The following EYS variants were observed in gnomAD, a reference collection of about 807,000 sequenced individuals.
The protein encoded by EYS is EGF-like photoreceptor maintenance factor.
EYS carries 250 observed loss-of-function variants against 282.1 expected under a neutral mutation model. That is an observed-to-expected ratio of 0.89 (90% CI 0.80 to 0.98). The LOEUF is 0.98. Among genes scored for constraint, EYS ranks in the 50% least tolerant of loss-of-function variants. EYS has a pLI of 0.00. For synonymous variants in EYS, 1,355 were observed against 1,282.9 expected (o/e 1.06, Z -1.20); for missense variants, 4,016 against 3,709.0 (o/e 1.08, Z -2.15).
intron 26 of EYS, among the ~76,000 whole-genome samples, chr6:64,531,154 T>C (rs568949223): frequency 1.4e-4 from 22 of 152,306 alleles, no homozygotes; most frequent in Middle Eastern, 3.4e-3. Context: ...TTAAATATAG[T>C]GTACCACTTT....
chr6:64,403,599 TG>T, intron 28 of EYS, among the ~76,000 whole-genome samples: 1 of 152,178 alleles, frequency 6.6e-6, no homozygotes, highest in East Asian at 1.9e-4. Flanking sequence ...CCTTGTGATC[TG>T]CCTGCCTCAG....
At chr6:64,116,624 G>A (rs976079628) in intron 31 of EYS, among the ~76,000 whole-genome samples, 1 of 152,062 alleles carries the variant, frequency 6.6e-6, no homozygotes, top group Non-Finnish European at 1.5e-5. Context: ...TCAAATATAT[G>A]CTCCCTACTC....
intron 11 of EYS, among the ~76,000 whole-genome samples, chr6:65,333,897 G>C (rs1207150950): frequency 6.7e-6 from 1 of 149,934 alleles, no homozygotes; most frequent in Admixed American, 6.7e-5. Flanking sequence ...TTTTCTTCTT[G>C]ATGCAGTTTG....
rs980815015 is a variant in EYS, at chr6:65,063,302, T to A, written c.2024-5575A>T. 4.7e-4 allele frequency among the ~76,000 whole-genome samples: 72 copies of A among 152,138 alleles called. 1 individual carries two copies. The highest frequency in any genetic ancestry group is 1.7e-3 in the African/African-American group (70 of 41,558). The stretch of plus-strand genomic sequence containing the variant: ...TGAACTTGTTTGATCACCATCAAAT[T>A]CCTTTTTACATATATTTTGGTTTGT... On this transcript the variant is annotated intron_variant, in intron 12 of 42. Transcript: ENST00000503581.
intron 19 of EYS, among the ~76,000 whole-genome samples, chr6:64,847,607 C>G (rs1765755949): frequency 1.3e-5 from 2 of 151,984 alleles, no homozygotes; most frequent in African/African-American, 4.8e-5. Flanking sequence ...ACTGCCTGAG[C>G]TCACCATTTC....
At chr6:65,119,911 GC>G (rs1775480737) in intron 12 of EYS, among the ~76,000 whole-genome samples, 1 of 150,534 alleles carries the variant, frequency 6.6e-6, no homozygotes, top group Non-Finnish European at 1.5e-5. Flanking sequence ...GCCGAGGTGG[GC>G]GGATCACGAG....
intron 31 of EYS, among the ~76,000 whole-genome samples, chr6:64,203,398 C>T (rs1243590542): frequency 6.6e-6 from 1 of 152,118 alleles, no homozygotes; most frequent in Admixed American, 6.5e-5. Context: ...AACCTAGTCA[C>T]GAGCCAGAGT....
chr6:65,543,332 G>A (rs559145229), intron 2 of EYS, among the ~76,000 whole-genome samples: 102 of 149,586 alleles, frequency 6.8e-4, no homozygotes, highest in Non-Finnish European at 1.2e-3. Context: ...TTTTACATTG[G>A]TATTTTCCTA....
chr6:65,335,174 T>A (rs770615252), intron 10 of EYS, 28 bp from the exon 11 acceptor site: 3 of 1,451,236 alleles, frequency 2.1e-6, no homozygotes, highest in South Asian at 2.3e-5. Flanking sequence ...GTAAAAATGT[T>A]ATGAATTCCC....
At chr6:64,886,901 T>A in intron 18 of EYS, 59 bp from the exon 19 acceptor site, 16 of 937,636 alleles carry the variant, frequency 1.7e-5, no homozygotes, top group Non-Finnish European at 2.3e-5. Context: ...ATTTATTATA[T>A]ATGATTCATA....
intron 12 of EYS, among the ~76,000 whole-genome samples, chr6:65,172,927 C>A (rs1223423032): frequency 4.7e-5 from 7 of 149,942 alleles, no homozygotes; most frequent in Non-Finnish European, 1.0e-4. Flanking sequence ...GTCAAGGGAT[C>A]AAATTTGTGT....
chr6:65,002,364 G>C (rs1251846009), intron 13 of EYS, among the ~76,000 whole-genome samples: 1 of 144,666 alleles, frequency 6.9e-6, no homozygotes, highest in African/African-American at 2.4e-5. Context: ...TTTATATCAA[G>C]AGCAGCAAAA....
intron 22 of EYS, among the ~76,000 whole-genome samples, chr6:64,794,746 G>GT (rs1774301870): frequency 6.6e-6 from 1 of 152,060 alleles, no homozygotes; most frequent in African/African-American, 2.4e-5. Flanking sequence ...TGTGGCCATT[G>GT]TTTTTATTCC....
At chr6:64,572,787 G>A (rs976688334) in intron 26 of EYS, among the ~76,000 whole-genome samples, 6 of 152,084 alleles carry the variant, frequency 3.9e-5, no homozygotes, top group Non-Finnish European at 7.4e-5. Context: ...TAAACAAATG[G>A]AAAAACATTC....
At chr6:65,576,017 A>G (rs1764652797) in intron 2 of EYS, among the ~76,000 whole-genome samples, 1 of 152,032 alleles carries the variant, frequency 6.6e-6, no homozygotes, top group Non-Finnish European at 1.5e-5. Context: ...AACAATTAAC[A>G]CCAATTCTTC....
At position 65,437,302 on chromosome 6, in the gene EYS, T is replaced by TGAA. The variant is rs1212880406; in HGVS notation, c.863-31936_863-31935insTTC. Among the ~76,000 whole-genome samples the TGAA allele has an allele frequency of 2.7e-5, 4 of 149,346 alleles. No homozygotes were observed. In the Admixed American group the frequency reaches 2.7e-4, roughly 10 times the overall value. On this transcript the variant is annotated intron_variant, in intron 5 of 42. Transcript: ENST00000503581. ...GGATTAAAGAGAGAAAAACATATAT[T>TGAA]AGTGTTTTTTAATGGTAACATGAGA...
At chr6:63,958,809 T>C (rs1204986072) in intron 35 of EYS, among the ~76,000 whole-genome samples, 1 of 152,178 alleles carries the variant, frequency 6.6e-6, no homozygotes, top group Admixed American at 6.6e-5. Flanking sequence ...AAGCCTGGAT[T>C]ACAGGATCTC....
At chr6:64,716,530 A>G (rs1033924419) in intron 22 of EYS, among the ~76,000 whole-genome samples, 1 of 152,094 alleles carries the variant, frequency 6.6e-6, no homozygotes, top group Non-Finnish European at 1.5e-5. Flanking sequence ...CATTTCACCA[A>G]TTTGTCTACT....
intron 33 of EYS, among the ~76,000 whole-genome samples, chr6:64,041,430 C>G (rs374374917): frequency 6.6e-6 from 1 of 152,090 alleles, no homozygotes. Context: ...CAGTATTGCT[C>G]GTTGAAAACA....
Sources: gnomAD v4.1 joint callset for allele counts (sites outside exome capture counted in the v4.1 genomes callset) on GRCh38, gnomAD v4.1.1 for gene constraint, MANE v1.5 for transcripts, NCBI Gene and HGNC (gene_info 2026-07-23, HGNC 2026-07-21) for gene names.